Variants in PALLD observed in about 807,000 individuals in gnomAD.
PALLD encodes the protein palladin, cytoskeletal associated protein, also known as palladin.
PALLD carries 61 observed loss-of-function variants against 123.5 expected under a neutral mutation model. That is an observed-to-expected ratio of 0.49 (90% CI 0.40 to 0.61). The LOEUF (loss-of-function observed/expected upper bound fraction) is 0.61, where lower values mean the gene tolerates loss of function less well. Among genes scored for constraint, PALLD ranks in the 20% least tolerant of loss-of-function variants. PALLD has a pLI of 0.00. For synonymous variants in PALLD, 465 were observed against 496.4 expected, an observed-to-expected ratio of 0.94 and a Z score of 0.84; for missense variants, 1,273 against 1,377.0, an observed-to-expected ratio of 0.92 and a Z score of 1.20.
At chr4:168,873,209 G>A (rs1419601755) in intron 10 of PALLD, among the ~76,000 whole-genome samples, 1 of 152,184 alleles carries the variant, frequency 6.6e-6, no homozygotes, top group South Asian at 2.1e-4. Flanking sequence ...ACAGTGATGA[G>A]TCCACCATGT....
At chr4:168,635,751 T>C (rs1776283363) in intron 2 of PALLD, among the ~76,000 whole-genome samples, 1 of 152,170 alleles carries the variant, frequency 6.6e-6, no homozygotes. Context: ...CAACCCTTCA[T>C]GGTTGCTGGT....
intron 1 of PALLD, among the ~76,000 whole-genome samples, chr4:168,509,009 T>C (rs1321541702): frequency 1.3e-5 from 2 of 152,146 alleles, no homozygotes; most frequent in African/African-American, 2.4e-5. Flanking sequence ...GTACTGGGTG[T>C]CCTTGCAATA....
intron 2 of PALLD, among the ~76,000 whole-genome samples, chr4:168,563,366 G>T (rs1210315824): frequency 6.6e-6 from 1 of 152,118 alleles, no homozygotes; most frequent in Non-Finnish European, 1.5e-5. Flanking sequence ...AGAGCCTTGA[G>T]GTTCTCTATC....
intron 10 of PALLD, among the ~76,000 whole-genome samples, chr4:168,851,365 TTTTTG>T (rs1223427124): frequency 1.3e-5 from 2 of 152,072 alleles, no homozygotes; most frequent in Admixed American, 6.5e-5. Flanking sequence ...CCAAACCTGT[TTTTTG>T]TTTTGTTTTG....
intron 3 of PALLD, among the ~76,000 whole-genome samples, chr4:168,670,981 G>A (rs1780207497): frequency 6.7e-6 from 1 of 149,654 alleles, no homozygotes; most frequent in Non-Finnish European, 1.5e-5. Flanking sequence ...TCATGCCACT[G>A]CACTCCAGCC....
chr4:168,834,765 C>G (rs1443487278), intron 10 of PALLD, among the ~76,000 whole-genome samples: 1 of 152,084 alleles, frequency 6.6e-6, no homozygotes, highest in Non-Finnish European at 1.5e-5. Flanking sequence ...AATGTCACCA[C>G]CTTGCATTGT....
At chr4:168,602,973 G>T (rs1772822288) in intron 2 of PALLD, among the ~76,000 whole-genome samples, 1 of 151,908 alleles carries the variant, frequency 6.6e-6, no homozygotes. Context: ...TTGCTTTGTT[G>T]CCCAGTATGG....
At position 168,779,280 on chromosome 4, in the gene PALLD, G is replaced by T. The variant is rs1051518415; in HGVS notation, c.1964+67357G>T. 3.3e-5 allele frequency among the ~76,000 whole-genome samples: 5 copies of T among 152,042 alleles called. 1 individual carries two copies. The highest frequency in any genetic ancestry group is 7.4e-5 in the Non-Finnish European group (5 of 68,010). ...CTTCTCTTACTATATGGAAATTAAA[G>T]ATTCTTTTTGCAATTTTGTTTCTTA... On this transcript the variant is annotated intron_variant, in intron 10 of 21. Transcript: ENST00000505667.
chr4:168,582,145 T>C (rs1389152245), intron 2 of PALLD, among the ~76,000 whole-genome samples: 1 of 152,130 alleles, frequency 6.6e-6, no homozygotes, highest in African/African-American at 2.4e-5. Flanking sequence ...ATCTTACTGC[T>C]CTCATTACTG....
chr4:168,780,061 ACTAATTTTG>A (rs1561514909), intron 10 of PALLD, among the ~76,000 whole-genome samples: 1 of 151,554 alleles, frequency 6.6e-6, no homozygotes, highest in African/African-American at 2.4e-5. Context: ...ACCATGCCCG[ACTAATTTTG>A]GTATTTTTGG....
chr4:168,686,831 T>C (rs1782108064), intron 6 of PALLD: 1 of 151,968 alleles, frequency 6.6e-6, no homozygotes, highest in African/African-American at 2.4e-5. Flanking sequence ...GGAAGGAAAA[T>C]AAGGTAGTGT....
intron 10 of PALLD, among the ~76,000 whole-genome samples, chr4:168,830,529 C>CA (rs5863962): frequency 2.5e-4 from 37 of 145,782 alleles, no homozygotes; most frequent in African/African-American, 7.3e-4. Flanking sequence ...GACCCTGTCT[C>CA]AAAAAAAAAA....
At chr4:168,905,689 C>T (rs1447714515) in intron 15 of PALLD, among the ~76,000 whole-genome samples, 1 of 151,810 alleles carries the variant, frequency 6.6e-6, no homozygotes, top group Non-Finnish European at 1.5e-5. Context: ...ACATGACCAT[C>T]ACCCTGAAAA....
At position 168,511,403 on chromosome 4, in the gene PALLD, C is replaced by T. The variant is rs985012823; in HGVS notation, c.-82-20C>T. ...GGGAAAAAATCATTGCTACTAATGA[C>T]ATTCTATGCTGTCTTTCAGAACACA... On this transcript the variant is annotated intron_variant, in intron 1 of 21. Coordinates refer to ENST00000505667, the MANE Select transcript of PALLD (RefSeq NM_001166108.2). 1.2e-6 allele frequency: 1 copy of T among 848,824 alleles called. No individual in the cohort carries two copies. The highest frequency in any genetic ancestry group is 2.0e-6 in the Non-Finnish European group (1 of 506,576). The allele number at this position is 848,824 out of a possible 1,614,324, so 52.6% of individuals were successfully genotyped here.
At chr4:168,735,208 C>T (rs1023513882) in intron 10 of PALLD, among the ~76,000 whole-genome samples, 6 of 152,138 alleles carry the variant, frequency 3.9e-5, no homozygotes, top group Non-Finnish European at 8.8e-5. Context: ...TCCCCATTGG[C>T]AGACAGGCAT....
intron 2 of PALLD, among the ~76,000 whole-genome samples, chr4:168,545,359 T>G (rs1318391238): frequency 6.6e-6 from 1 of 152,054 alleles, no homozygotes; most frequent in Non-Finnish European, 1.5e-5. Context: ...AAACCTCGTC[T>G]CTACTAAAAG....
chr4:168,507,536 A>G, intron 1 of PALLD: 1 of 198,068 alleles, frequency 5.0e-6, no homozygotes, highest in Non-Finnish European at 1.0e-5. Context: ...CAAAATGAAG[A>G]CGTCCAGATG....
intron 3 of PALLD, among the ~76,000 whole-genome samples, chr4:168,678,298 T>A (rs775417527): frequency 2.0e-5 from 3 of 152,136 alleles, no homozygotes; most frequent in Admixed American, 6.5e-5. Context: ...ATTATGATGA[T>A]GATTAAATGA....
intron 1 of PALLD, chr4:168,506,050 T>C (rs1761968209): frequency 6.6e-6 from 1 of 152,228 alleles, no homozygotes. Context: ...ATATTTTCAA[T>C]GGCCTTGCCC....
Sources: allele counts gnomAD v4.1 joint callset (sites outside exome capture counted in the v4.1 genomes callset), GRCh38; gene constraint gnomAD v4.1.1; transcripts MANE v1.5; gene names NCBI Gene and HGNC (gene_info 2026-07-23, HGNC 2026-07-21).